Variants in ARHGAP26 observed in about 807,000 individuals in gnomAD.
The protein encoded by ARHGAP26 is rho GTPase-activating protein 26.
In ARHGAP26, 38 loss-of-function variants were observed where a neutral mutation model predicts 104.8. The ratio of observed to expected loss-of-function variants is 0.36; its 90% CI spans 0.28 to 0.48. ARHGAP26 has a LOEUF of 0.48. ARHGAP26 is among the 20% of genes least tolerant of loss of function. ARHGAP26 has a pLI of 0.99. For synonymous variants in ARHGAP26, 341 were observed against 340.0 expected, an observed-to-expected ratio of 1.00 and a Z score of -0.03; for missense variants, 704 against 947.9, an observed-to-expected ratio of 0.74 and a Z score of 3.38.
chr5:142,800,611 C>T (rs537018517), intron 1 of ARHGAP26, among the ~76,000 whole-genome samples: 4 of 152,334 alleles, frequency 2.6e-5, no homozygotes, highest in African/African-American at 9.6e-5. Context: ...GATCCACCCA[C>T]TCAGCCTCCC....
intron 17 of ARHGAP26, among the ~76,000 whole-genome samples, chr5:143,105,698 G>C (rs78466069): frequency 0.011 from 1,640 of 152,274 alleles, 35 homozygotes; most frequent in East Asian, 0.087. Context: ...CTGTCTGCAT[G>C]TCTGAAAATG....
intron 14 of ARHGAP26, among the ~76,000 whole-genome samples, chr5:143,052,488 A>G (rs1785184132): frequency 6.6e-6 from 1 of 152,102 alleles, no homozygotes; most frequent in African/African-American, 2.4e-5. Flanking sequence ...AAGAAAAAAA[A>G]ATTATGCTCT....
chr5:142,793,252 C>CTTTTTTTTTTTTTTTTTTTTTTT (rs56941301), intron 1 of ARHGAP26, among the ~76,000 whole-genome samples: 3 of 107,172 alleles, frequency 2.8e-5, no homozygotes, highest in East Asian at 3.2e-4. Context: ...TATCCCTTTG[C>CTTTTTTTTTTTTTTTTTTTTTTT]TTTTTTTTTT....
intron 6 of ARHGAP26, among the ~76,000 whole-genome samples, 191 bp downstream of exon 6, chr5:142,894,539 A>G (rs2152432903): frequency 6.6e-6 from 1 of 152,292 alleles, no homozygotes; most frequent in Middle Eastern, 3.4e-3. Context: ...CCTGTACAAC[A>G]CATAGCAATG....
chr5:142,980,410 A>G (rs1272678408), intron 11 of ARHGAP26, among the ~76,000 whole-genome samples: 2 of 53,086 alleles, frequency 3.8e-5, no homozygotes, highest in Admixed American at 1.8e-4. Context: ...TATTTTTGAG[A>G]TGGAATCTTG....
At chr5:142,814,400 C>A (rs1193805310) in intron 1 of ARHGAP26, among the ~76,000 whole-genome samples, 2 of 152,142 alleles carry the variant, frequency 1.3e-5, no homozygotes, top group South Asian at 2.1e-4. Flanking sequence ...CCTGTTCTCT[C>A]AGGATATTAA....
intron 1 of ARHGAP26, among the ~76,000 whole-genome samples, chr5:142,788,069 C>T (rs528031300): frequency 6.7e-6 from 1 of 149,910 alleles, no homozygotes; most frequent in Admixed American, 6.6e-5. Context: ...GGCATGATCT[C>T]GGCTCACTGC....
chr5:142,844,050 A>ATTTT, intron 1 of ARHGAP26, among the ~76,000 whole-genome samples: 2 of 133,778 alleles, frequency 1.5e-5, no homozygotes, highest in African/African-American at 6.4e-5. Context: ...GCTAAAAGTG[A>ATTTT]GTTTTTTTTT....
At chr5:143,156,569 C>T (rs1800484549) in intron 20 of ARHGAP26, among the ~76,000 whole-genome samples, 1 of 152,166 alleles carries the variant, frequency 6.6e-6, no homozygotes, top group Non-Finnish European at 1.5e-5. Context: ...TTTTACCAAA[C>T]CCTGCAGATG....
intron 17 of ARHGAP26, chr5:143,058,085 T>C (rs1786119101): frequency 9.9e-6 from 5 of 506,000 alleles, no homozygotes; most frequent in African/African-American, 3.8e-5. Flanking sequence ...TATGTTCTTA[T>C]GCTCATCAAG....
chr5:142,792,934 A>G (rs1283869276), intron 1 of ARHGAP26, among the ~76,000 whole-genome samples: 2 of 152,202 alleles, frequency 1.3e-5, no homozygotes, highest in Non-Finnish European at 2.9e-5. Flanking sequence ...TATTTTGAGC[A>G]ACACTGATAA....
chr5:143,213,515 C>T (rs553415829), intron 21 of ARHGAP26, among the ~76,000 whole-genome samples: 12 of 152,328 alleles, frequency 7.9e-5, no homozygotes, highest in South Asian at 6.2e-4. Flanking sequence ...AGCTCATGTC[C>T]GCCCGTGGCC....
chr5:142,913,080 C>T lies in ARHGAP26; in HGVS notation c.934-119C>T, dbSNP rs145332937. 2.1e-4 allele frequency: 189 copies of T among 879,438 alleles called. 2 individuals are homozygous for T. In the African/African-American group the frequency reaches 2.4e-3, roughly 11 times the overall value. 54.5% of individuals were successfully genotyped at this position (879,438 alleles called of 1,614,324 possible). A position where few individuals can be genotyped will look rare whatever the true frequency, so the allele number is the denominator to read the frequency against. ...TAGTCACCCTTCCACTGCCCATGGT[C>T]ATGAGCACTCAGATTTGAGAAGATG... On this transcript the variant is annotated intron_variant, in intron 9 of 22. Transcript: ENST00000645722.
chr5:142,903,015 A>T (rs1334439580), intron 7 of ARHGAP26, among the ~76,000 whole-genome samples: 3 of 152,134 alleles, frequency 2.0e-5, no homozygotes. Flanking sequence ...GTCGCCCTGA[A>T]TACAAGCAAG....
intron 1 of ARHGAP26, among the ~76,000 whole-genome samples, chr5:142,864,228 A>G (rs961780531): frequency 6.6e-6 from 1 of 152,110 alleles, no homozygotes; most frequent in Non-Finnish European, 1.5e-5. Context: ...TGTGTCTTAA[A>G]TGTCGTCTTA....
intron 17 of ARHGAP26, among the ~76,000 whole-genome samples, chr5:143,104,037 AAG>A (rs1389934879): frequency 2.5e-4 from 38 of 151,866 alleles, no homozygotes; most frequent in African/African-American, 8.7e-4. Flanking sequence ...GAAAAAAAAA[AAG>A]AGAGAAATGA....
chr5:143,113,507 C>T (rs1795025219), intron 17 of ARHGAP26, among the ~76,000 whole-genome samples: 1 of 152,160 alleles, frequency 6.6e-6, no homozygotes, highest in African/African-American at 2.4e-5. Flanking sequence ...CTATTTTTCC[C>T]TCCTTTTTAA....
At chr5:142,804,854 G>T (rs1213523931) in intron 1 of ARHGAP26, among the ~76,000 whole-genome samples, 2 of 151,974 alleles carry the variant, frequency 1.3e-5, no homozygotes, top group Non-Finnish European at 2.9e-5. Context: ...CATTTGTAGT[G>T]AATTCTGCTC....
chr5:142,962,606 T>C (rs567328701), intron 11 of ARHGAP26, among the ~76,000 whole-genome samples: 1 of 152,292 alleles, frequency 6.6e-6, no homozygotes, highest in East Asian at 1.9e-4. Flanking sequence ...TGAAAGGTTT[T>C]TTTTTGGTTG....
Sources: allele counts gnomAD v4.1 joint callset (sites outside exome capture counted in the v4.1 genomes callset), GRCh38; gene constraint gnomAD v4.1.1; transcripts MANE v1.5; gene names NCBI Gene and HGNC (gene_info 2026-07-23, HGNC 2026-07-21).